Variants in ADK observed in about 807,000 individuals in gnomAD.
ADK encodes adenosine kinase.
ADK carries 24 observed loss-of-function variants against 44.7 expected under a neutral mutation model. The ratio of observed to expected loss-of-function variants is 0.54; its 90% CI spans 0.39 to 0.76. The LOEUF is 0.76. Among genes scored for constraint, ADK ranks in the 30% least tolerant of loss-of-function variants. The pLI, the probability that ADK is intolerant of heterozygous loss-of-function variation, is 0.00. For synonymous variants in ADK, 128 were observed against 142.6 expected (o/e 0.90, Z 0.73); for missense variants, 321 against 425.1 (o/e 0.76, Z 2.15).
At chr10:74,657,663 G>A (rs1854536262) in intron 9 of ADK, among the ~76,000 whole-genome samples, 1 of 152,056 alleles carries the variant, frequency 6.6e-6, no homozygotes, top group South Asian at 2.1e-4. Flanking sequence ...AAATCTAGTA[G>A]GAATAATCAC....
intron 6 of ADK, among the ~76,000 whole-genome samples, chr10:74,411,383 G>A (rs937781204): frequency 7.2e-5 from 11 of 152,090 alleles, no homozygotes; most frequent in African/African-American, 2.7e-4. Context: ...TTTGAGTTAA[G>A]CAAAGACATC....
chr10:74,423,587 GAT>G, intron 6 of ADK: 1 of 268,538 alleles, frequency 3.7e-6, no homozygotes, highest in Non-Finnish European at 7.6e-6. Flanking sequence ...AGTCTTTACT[GAT>G]GTCTCCATAG....
chr10:74,267,792 GTC>G (rs1554835945), intron 3 of ADK, among the ~76,000 whole-genome samples: 1,709 of 149,078 alleles, frequency 0.011, 30 homozygotes, highest in Non-Finnish European at 0.013. Flanking sequence ...GTGTGTGTGT[GTC>G]TGTCTGTCTG....
At chr10:74,289,145 T>G (rs1356597017) in intron 3 of ADK, among the ~76,000 whole-genome samples, 1 of 152,352 alleles carries the variant, frequency 6.6e-6, no homozygotes, top group African/African-American at 2.4e-5. Context: ...TTTTAAAAAC[T>G]ATATCAACAA....
intron 2 of ADK, among the ~76,000 whole-genome samples, chr10:74,214,638 G>C (rs1443231167): frequency 6.6e-6 from 1 of 152,206 alleles, no homozygotes; most frequent in African/African-American, 2.4e-5. Context: ...ACTAAGCTCT[G>C]TGCTATGCTG....
intron 6 of ADK, among the ~76,000 whole-genome samples, chr10:74,408,408 TC>T (rs1401909192): frequency 2.0e-5 from 3 of 152,210 alleles, no homozygotes; most frequent in Non-Finnish European, 4.4e-5. Context: ...AACTTTCTTG[TC>T]CCCAAATATT....
chr10:74,464,845 G>GAGAGAGAA (rs1303862228), intron 6 of ADK, among the ~76,000 whole-genome samples: 3 of 151,760 alleles, frequency 2.0e-5, no homozygotes, highest in Non-Finnish European at 4.4e-5. Context: ...AAGAAAAAAA[G>GAGAGAGAA]AGAGAGAGAG....
intron 9 of ADK, among the ~76,000 whole-genome samples, chr10:74,652,942 A>G (rs1854326158): frequency 6.6e-6 from 1 of 152,156 alleles, no homozygotes; most frequent in African/African-American, 2.4e-5. Context: ...GTGAGTTGGA[A>G]AGAGAAATGT....
chr10:74,316,249 A>C (rs1475126514), intron 4 of ADK, among the ~76,000 whole-genome samples: 1 of 152,092 alleles, frequency 6.6e-6, no homozygotes, highest in Non-Finnish European at 1.5e-5. Flanking sequence ...CAAAAAAAAA[A>C]AAGAGAGAAA....
chr10:74,388,388 A>G (rs1843217673), intron 4 of ADK, among the ~76,000 whole-genome samples: 1 of 152,208 alleles, frequency 6.6e-6, no homozygotes, highest in African/African-American at 2.4e-5. Flanking sequence ...CAACTTTTTG[A>G]TATCCTCAAA....
chr10:74,384,084 A>G (rs1843062054), intron 4 of ADK, among the ~76,000 whole-genome samples: 1 of 152,206 alleles, frequency 6.6e-6, no homozygotes, highest in Non-Finnish European at 1.5e-5. Context: ...ATGTTCTGCA[A>G]CAACTCCTAT....
At chr10:74,177,947 T>TTTC (rs1564574373) in intron 1 of ADK, among the ~76,000 whole-genome samples, 6 of 60,320 alleles carry the variant, frequency 9.9e-5, no homozygotes, top group African/African-American at 3.5e-4. Context: ...ATATATATAT[T>TTTC]TTTTTTTTTT....
intron 6 of ADK, among the ~76,000 whole-genome samples, chr10:74,461,160 A>G (rs1425924942): frequency 2.6e-5 from 4 of 151,868 alleles, no homozygotes; most frequent in Non-Finnish European, 5.9e-5. Flanking sequence ...TTTTTTTTTA[A>G]ACAATGCCAT....
chr10:74,555,468 A>T (rs1356779944), intron 7 of ADK, among the ~76,000 whole-genome samples: 4 of 152,098 alleles, frequency 2.6e-5, no homozygotes, highest in African/African-American at 9.7e-5. Context: ...TATCCTGGCC[A>T]GGTATAGTGG....
At chr10:74,233,163 T>G (rs2132273576) in intron 3 of ADK, among the ~76,000 whole-genome samples, 1 of 152,340 alleles carries the variant, frequency 6.6e-6, no homozygotes, top group Admixed American at 6.5e-5. Context: ...AATGCCACTA[T>G]GATATTAAGA....
At chr10:74,620,219 A>G (rs138368578) in intron 9 of ADK, among the ~76,000 whole-genome samples, 3 of 152,116 alleles carry the variant, frequency 2.0e-5, no homozygotes, top group Non-Finnish European at 4.4e-5. Flanking sequence ...TATTCCTCCT[A>G]TCTAGCTCTA....
Position 74,265,324 on chromosome 10 carries a change from C to G in ADK, c.194+40733C>G, listed in dbSNP as rs113807961. On this transcript the variant is annotated intron_variant, in intron 3 of 10. Transcript: ENST00000539909. ...TCTGCTTCCTGGGTTCAAGCGATTC[C>G]CCTGCTTCAGCCTCCTGAGTAGCTA... Among the ~76,000 whole-genome samples the G allele has an allele frequency of 1.5e-4, 23 of 151,906 alleles. 2 individuals are homozygous for G. The highest frequency in any genetic ancestry group is 4.8e-4 in the African/African-American group (20 of 41,444).
At chr10:74,544,972 A>T (rs1454285920) in intron 7 of ADK, among the ~76,000 whole-genome samples, 1 of 150,942 alleles carries the variant, frequency 6.6e-6, no homozygotes, top group African/African-American at 2.4e-5. Flanking sequence ...TCTCTTGAAT[A>T]TCTCTCACCC....
intron 3 of ADK, among the ~76,000 whole-genome samples, chr10:74,273,353 T>C (rs1190566324): frequency 6.6e-6 from 1 of 152,156 alleles, no homozygotes; most frequent in Non-Finnish European, 1.5e-5. Context: ...ACAGGTGATA[T>C]ACCACCAGAG....
Sources: allele counts gnomAD v4.1 joint callset (sites outside exome capture counted in the v4.1 genomes callset), GRCh38; gene constraint gnomAD v4.1.1; transcripts MANE v1.5; gene names NCBI Gene and HGNC (gene_info 2026-07-23, HGNC 2026-07-21).